Variants in CAPN8 observed in about 807,000 individuals in gnomAD.
The protein encoded by CAPN8 is calpain-8.
Under a neutral mutation model 80.9 loss-of-function variants are expected in CAPN8, and 87 were observed. The observed-to-expected ratio is 1.07, with a 90% CI of 0.90 to 1.28. The LOEUF is 1.28. CAPN8 is among the 50% of genes most tolerant of loss of function. The pLI is 0.00. For missense variants in CAPN8, 757 were observed against 702.0 expected, an observed-to-expected ratio of 1.08 and a Z score of -0.89; for synonymous variants, 299 against 273.8, an observed-to-expected ratio of 1.09 and a Z score of -0.91.
Position 223,656,671 on chromosome 1 carries a change from T to G in CAPN8, c.238-2272A>C, listed in dbSNP as rs868542254. Among the ~76,000 whole-genome samples the G allele has an allele frequency of 5.3e-3, 435 of 82,480 alleles. 19 individuals are homozygous for G. The highest frequency in any genetic ancestry group is 0.016 in the African/African-American group (410 of 25,378). The allele number at this position is 82,480 out of a possible 152,430, so 54.1% of individuals were successfully genotyped here. Reference sequence around the variant, plus strand: ...TATGTACATACACACGTTTTGGGTTTTTTTGTTTTGTTTTTTTTTTTTTTT... The same window carrying G: ...TATGTACATACACACGTTTTGGGTTGTTTTGTTTTGTTTTTTTTTTTTTTT... On this transcript the variant is annotated intron_variant, in intron 1 of 20. Coordinates refer to ENST00000366872, the MANE Select transcript of CAPN8 (RefSeq NM_001143962.2).
chr1:223,618,365 A>G, intron 9 of CAPN8: 10 of 1,532,424 alleles, frequency 6.5e-6, no homozygotes, highest in Non-Finnish European at 7.9e-6. Context: ...GTTAGTGCGG[A>G]GGCCATGCTT....
chr1:223,639,403 C>G (rs1204483548), intron 2 of CAPN8, among the ~76,000 whole-genome samples: 1 of 152,176 alleles, frequency 6.6e-6, no homozygotes, highest in Non-Finnish European at 1.5e-5. Context: ...GTGTATTGCA[C>G]AAGGAGAGTG....
intron 10 of CAPN8, among the ~76,000 whole-genome samples, chr1:223,614,146 G>C (rs541205980): frequency 2.4e-4 from 37 of 152,304 alleles, no homozygotes; most frequent in African/African-American, 7.9e-4. Flanking sequence ...CGCCTTTAAT[G>C]CCCGCACTTT....
chr1:223,611,738 A>G (rs1472099222), intron 11 of CAPN8, among the ~76,000 whole-genome samples: 1 of 152,206 alleles, frequency 6.6e-6, no homozygotes, highest in Non-Finnish European at 1.5e-5. Flanking sequence ...AATCAATAAC[A>G]TGCACTTTGT....
At chr1:223,652,537 TC>T (rs1658370467) in intron 2 of CAPN8, among the ~76,000 whole-genome samples, 1 of 152,110 alleles carries the variant, frequency 6.6e-6, no homozygotes, top group Non-Finnish European at 1.5e-5. Context: ...GGGGAATCTC[TC>T]CTCTTAATCT....
At chr1:223,544,306 G>A (rs1656557594) in intron 18 of CAPN8, 123 bp from the exon 19 acceptor site, 1 of 627,244 alleles carries the variant, frequency 1.6e-6, no homozygotes, top group Admixed American at 2.5e-5. Context: ...TGCAAACCAG[G>A]CCTGACTCTG....
chr1:223,651,916 T>C (rs1024399825), intron 2 of CAPN8, among the ~76,000 whole-genome samples: 4 of 152,200 alleles, frequency 2.6e-5, no homozygotes, highest in African/African-American at 9.7e-5. Flanking sequence ...TTTGCTTGAA[T>C]TTGCACAAAG....
chr1:223,644,640 G>A (rs1030603534), intron 2 of CAPN8, among the ~76,000 whole-genome samples: 38 of 152,292 alleles, frequency 2.5e-4, no homozygotes, highest in African/African-American at 8.2e-4. Flanking sequence ...AGGGTGAGGG[G>A]AGTGAGAGTT....
chr1:223,557,544 G>A (rs1031728769), intron 13 of CAPN8, among the ~76,000 whole-genome samples: 2 of 152,198 alleles, frequency 1.3e-5, no homozygotes, highest in African/African-American at 2.4e-5. Flanking sequence ...AACAACGACA[G>A]TACATTGAGG....
chr1:223,549,471 C>G (rs61825161), intron 15 of CAPN8, 89 bp from the exon 16 acceptor site: 17,276 of 1,539,174 alleles, frequency 0.011, 122 homozygotes, highest in Non-Finnish European at 0.013. Context: ...TCCAAAGATA[C>G]CATCCAAGGG....
At chr1:223,629,579 T>G (rs142676435) in intron 2 of CAPN8, among the ~76,000 whole-genome samples, 22 of 152,302 alleles carry the variant, frequency 1.4e-4, no homozygotes, top group Middle Eastern at 3.4e-3. Flanking sequence ...CAGTGTCAAC[T>G]TCAAAAGAAG....
At position 223,555,140 on chromosome 1, in the gene CAPN8, C is replaced by A. The variant is rs1055470346; in HGVS notation, c.1573-1240G>T. Among the ~76,000 whole-genome samples the A allele has an allele frequency of 2.2e-3, 333 of 152,320 alleles. 1 individual carries two copies. The highest frequency in any genetic ancestry group is 5.8e-3 in the Admixed American group (88 of 15,298). On this transcript the variant is annotated intron_variant, in intron 13 of 20. Coordinates refer to ENST00000366872, the MANE Select transcript of CAPN8 (RefSeq NM_001143962.2). ...TACTTACTACCTGTCAGGTACTTTG[C>A]GTGGATTATTTCATTTAATATTCAC...
intron 2 of CAPN8, among the ~76,000 whole-genome samples, chr1:223,646,009 G>C (rs1658181052): frequency 6.6e-6 from 1 of 152,184 alleles, no homozygotes; most frequent in Non-Finnish European, 1.5e-5. Context: ...AGGTGACTAT[G>C]GGGGAGCACT....
chr1:223,641,365 T>TAA (rs1003492835), intron 2 of CAPN8, among the ~76,000 whole-genome samples: 2 of 149,590 alleles, frequency 1.3e-5, no homozygotes, highest in African/African-American at 5.0e-5. Flanking sequence ...AAGCCTTTTT[T>TAA]TAAAAAAAAA....
Position 223,618,332 on chromosome 1 carries a change from C to T in CAPN8, c.1135+961G>A, listed in dbSNP as rs185921381. Reference sequence around the variant, plus strand: ...TCTGCGAGCCAGGAAAGCTTCCCACCTTGCACCAGGTGAGGACCCAGGGTT... The same window carrying T: ...TCTGCGAGCCAGGAAAGCTTCCCACTTTGCACCAGGTGAGGACCCAGGGTT... On this transcript the variant is annotated intron_variant, in intron 9 of 20. Transcript: ENST00000366872. 94 of 1,549,400 alleles carry T rather than the reference C, an allele frequency of 6.1e-5. No homozygotes were observed. The African/African-American group carries it at 1.1e-3, about 18-fold the overall frequency.
chr1:223,544,153 G>A lies in CAPN8; in HGVS notation c.1943C>T (p.Thr648Ile). The change falls in exon 19 of 21, where the codon ACC (threonine) becomes ATC (isoleucine). Residue 648 changes from threonine to isoleucine, a missense_variant. Transcript: ENST00000366872. ...GCTGCACGCATACCGCAGGGCAATGGTCTGCTGCACCTGGCTGTTGAGGGT... is the reference window on the plus strand; with the variant it reads ...GCTGCACGCATACCGCAGGGCAATGATCTGCTGCACCTGGCTGTTGAGGGT... ...GFTLNSQVQQ[T>I]IALRYACSKL... is the part of the protein sequence containing the mutation. 1.4e-6 allele frequency: 1 copy of A among 718,248 alleles called. No homozygotes were observed. Among genetic ancestry groups the A allele is most frequent in the Non-Finnish European group, 2.6e-6 (1 of 385,110 alleles). 44.5% of individuals were successfully genotyped at this position (718,248 alleles called of 1,614,324 possible).
rs373146966 is a variant in CAPN8, at chr1:223,610,651, G to C, written c.1324-1287C>G. ...AAGAATCCAGGGGTGGAGCAGGTTAGAGAAGTCCTATTTGGGGGCCAGAGT... is the reference window on the plus strand; with the variant it reads ...AAGAATCCAGGGGTGGAGCAGGTTACAGAAGTCCTATTTGGGGGCCAGAGT... On this transcript the variant is annotated intron_variant, in intron 11 of 20. Transcript: ENST00000366872. Among the ~76,000 whole-genome samples, 52 of 152,266 alleles carry C rather than the reference G, an allele frequency of 3.4e-4. 1 individual carries two copies. In the East Asian group the frequency reaches 3.7e-3, roughly 11 times the overall value.
At chr1:223,636,941 C>G (rs965430725) in intron 2 of CAPN8, among the ~76,000 whole-genome samples, 4 of 152,084 alleles carry the variant, frequency 2.6e-5, no homozygotes, top group Admixed American at 6.5e-5. Flanking sequence ...CCCCCTTTTT[C>G]TCCCACTTCT....
At chr1:223,663,516 C>T (rs1014057145) in intron 1 of CAPN8, among the ~76,000 whole-genome samples, 14 of 152,330 alleles carry the variant, frequency 9.2e-5, no homozygotes, top group South Asian at 8.3e-4. Context: ...TCTCCCCACA[C>T]TTTCCATCAG....
Sources: gnomAD v4.1 joint callset for allele counts (sites outside exome capture counted in the v4.1 genomes callset) on GRCh38, gnomAD v4.1.1 for gene constraint, MANE v1.5 for transcripts, NCBI Gene and HGNC (gene_info 2026-07-23, HGNC 2026-07-21) for gene names.